The following PLXNB2 variants were observed in gnomAD, a reference collection of about 807,000 sequenced individuals.
The protein encoded by PLXNB2 is plexin-B2.
PLXNB2 carries 85 observed loss-of-function variants against 202.6 expected under a neutral mutation model. That is an observed-to-expected ratio of 0.42 (90% confidence interval 0.35 to 0.50). The LOEUF is 0.50. Among genes scored for constraint, PLXNB2 ranks in the 20% least tolerant of loss-of-function variants. The pLI, the probability that PLXNB2 is intolerant of heterozygous loss-of-function variation, is 0.02. For synonymous variants in PLXNB2, 1,239 were observed against 1,137.6 expected, an observed-to-expected ratio of 1.09 and a Z score of -1.79; for missense variants, 2,063 against 2,586.2, an observed-to-expected ratio of 0.80 and a Z score of 4.39.
intron 1 of PLXNB2, among the ~76,000 whole-genome samples, chr22:50,301,809 G>A (rs759388113): frequency 9.2e-5 from 14 of 152,220 alleles, no homozygotes; most frequent in African/African-American, 1.4e-4. Context: ...GCGCCTCAGC[G>A]GTCACCCCAG....
chr22:50,281,773 G>A, intron 20 of PLXNB2, 31 bp from the exon 21 acceptor site: 1 of 1,565,626 alleles, frequency 6.4e-7, no homozygotes, highest in South Asian at 1.2e-5. Context: ...GGGGTGAGGA[G>A]GAGGGAACCA....
At chr22:50,283,006 A>G (rs1292010426) in intron 17 of PLXNB2, 44 bp downstream of exon 17, 1 of 1,584,396 alleles carries the variant, frequency 6.3e-7, no homozygotes, top group South Asian at 1.2e-5. Flanking sequence ...CTCCATACCC[A>G]GGGCCAGGGC....
rs1450549755 is a variant in PLXNB2 at position 50,284,352 on chromosome 22, G to C, written c.2182-139C>G. ...CAGGGGAGGCCTTCAGGTGTCGGAA[G>C]TTCGGGAACCCCATGGACGCTGCTC... On this transcript the variant is annotated intron_variant, in intron 12 of 36. Transcript: ENST00000359337. The surrounding 1 kb of genome is among the most constrained non-coding windows in gnomAD (Gnocchi z 8.0). The C allele has an allele frequency of 4.2e-5, 36 of 852,088 alleles. No homozygotes were observed. The East Asian group carries it at 8.9e-4, about 21-fold the overall frequency. The allele number at this position is 852,088 out of a possible 1,614,324, so 52.8% of individuals were successfully genotyped here. A position where few individuals can be genotyped will look rare whatever the true frequency, so the allele number is the denominator to read the frequency against.
chr22:50,300,222 G>A lies in PLXNB2; in HGVS notation c.-73-5444C>T, dbSNP rs911449394. ...GGAGTCTGACCCGAGTAACAATGACGGCGGCGGCGACAGTCACACGAGCGC... is the reference window on the plus strand; with the variant it reads ...GGAGTCTGACCCGAGTAACAATGACAGCGGCGGCGACAGTCACACGAGCGC... On this transcript the variant is annotated intron_variant, in intron 1 of 36. Transcript: ENST00000359337. 4 of 960,358 alleles carry A rather than the reference G, an allele frequency of 4.2e-6. No homozygotes were observed. The South Asian group carries it at 1.9e-4, about 46-fold the overall frequency. The allele number at this position is 960,358 out of a possible 1,614,324, so 59.5% of individuals were successfully genotyped here.
In PLXNB2 at chr22:50,288,743, C is replaced by T. The variant is rs781147257; in HGVS notation, c.1380G>A (p.Lys460=). ...CTCTCCGGGGCTGCGTCTGGCTCAC[C>T]TTGTCCTGGGTCATGGCGTACAGGC... The part of the protein sequence containing the change: ...LGSLYAMTQD[K]VFRLPVQECL... Residue 460 remains lysine, a splice_region_variant and synonymous_variant, in exon 5 of 37, where the codon AAG becomes AAA. Transcript: ENST00000359337. The surrounding 1 kb of genome is among the most constrained non-coding windows in gnomAD (Gnocchi z 5.0). The T allele has an allele frequency of 6.8e-6, 11 of 1,612,762 alleles. No homozygotes were observed. In the African/African-American group the frequency reaches 1.2e-4, roughly 18 times the overall value.
intron 2 of PLXNB2, among the ~76,000 whole-genome samples, chr22:50,292,621 C>A (rs943804412): frequency 4.6e-5 from 7 of 152,164 alleles, no homozygotes; most frequent in Non-Finnish European, 1.0e-4. Flanking sequence ...TCTGTCCTCC[C>A]AGGAGGGCAG....
chr22:50,283,731 G>T lies in PLXNB2; in HGVS notation c.2441C>A (p.Pro814His). The T allele has an allele frequency of 6.2e-7, 1 of 1,613,122 alleles. No individual in the cohort carries two copies. The highest frequency in any genetic ancestry group is 8.5e-7 in the Non-Finnish European group (1 of 1,179,932). The stretch of plus-strand genomic sequence containing the variant: ...GGTGATGCGGATGCCCCCACCCAGG[G>T]GGCCCGTCTCAGGCTGGATCTGAAA... ...VITRIQPETG[P>H]LGGGIRITIL... Residue 814 changes from proline (P) to histidine (H), a missense_variant, in exon 15 of 37, where the codon CCC becomes CAC. This residue lies in a region of PLXNB2 where 1,303 missense variants were observed against 1,476.8 expected (regional missense o/e 0.88). Transcript: ENST00000359337.
Position 50,297,013 on chromosome 22 carries a change from C to T in PLXNB2, c.-73-2235G>A, listed in dbSNP as rs575115296. ...CGGGGGGCAGAGGGCATCCTTTCGA[C>T]CTGAGACTCAACAGCACCTTTGTGA... is the stretch of plus-strand genomic sequence containing the variant. On this transcript the variant is annotated intron_variant, in intron 1 of 36. Transcript: ENST00000359337. The surrounding 1 kb of genome is among the most constrained non-coding windows in gnomAD (Gnocchi z 5.3). Among the ~76,000 whole-genome samples the T allele has an allele frequency of 3.3e-5, 5 of 152,300 alleles. No homozygotes were observed. Among genetic ancestry groups the T allele is most frequent in the African/African-American group, 1.2e-4 (5 of 41,558 alleles).
intron 2 of PLXNB2, among the ~76,000 whole-genome samples, chr22:50,292,452 C>T (rs1027886750): frequency 2.6e-5 from 4 of 152,142 alleles, no homozygotes; most frequent in Non-Finnish European, 5.9e-5. Context: ...AGCCTGTGAC[C>T]CATTTCTCAG....
chr22:50,306,310 T>G (rs2147740325), intron 1 of PLXNB2, among the ~76,000 whole-genome samples: 1 of 152,296 alleles, frequency 6.6e-6, no homozygotes, highest in Admixed American at 6.5e-5. Context: ...TGCTTGCTTC[T>G]CAGTCGGCTC....
intron 1 of PLXNB2, among the ~76,000 whole-genome samples, chr22:50,302,951 A>G (rs1396188633): frequency 6.6e-6 from 1 of 152,082 alleles, no homozygotes; most frequent in Non-Finnish European, 1.5e-5. Context: ...GCTGGGATCC[A>G]CAGAGTCCTC....
chr22:50,287,430 C>G (rs2066538786), intron 7 of PLXNB2, among the ~76,000 whole-genome samples, 166 bp from the exon 8 acceptor site: 1 of 152,150 alleles, frequency 6.6e-6, no homozygotes, highest in Admixed American at 6.5e-5. Context: ...CCAGCAACTC[C>G]TGGGACAGGG....
Position 50,279,636 on chromosome 22 carries a change from T to C in PLXNB2, c.4383A>G (p.Ala1461=), listed in dbSNP as rs911079906. 6.2e-7 allele frequency: 1 copy of C among 1,613,298 alleles called. No individual in the cohort carries two copies. The highest frequency in any genetic ancestry group is 8.5e-7 in the Non-Finnish European group (1 of 1,179,812). Residue 1461 remains alanine (A), a synonymous_variant, in exon 27 of 37, where the codon GCA becomes GCG. Coordinates refer to ENST00000359337, the MANE Select transcript of PLXNB2 (RefSeq NM_012401.4). ...CCCCACCCCAGAAGCTCACCAGGGG[T>C]GCGTACTCCACATCATCCCCCAGCA... ...TGLLGDDVEY[A]PLTVSVIVQD...
In PLXNB2 at chr22:50,290,224, C is replaced by A. The variant is rs755165035; in HGVS notation, c.361G>T (p.Ala121Ser). Residue 121 changes from alanine (A) to serine (S), a missense_variant, in exon 3 of 37, where the codon GCT (alanine) becomes TCT (serine). This residue lies in a region of PLXNB2 where 1,303 missense variants were observed against 1,476.8 expected (regional missense o/e 0.88). Transcript: ENST00000359337. ...ECGSLFKGIC[A>S]LRALSNISLR... Reference sequence around the variant, plus strand: ...GAGATGTTGCTCAGGGCGCGCAGAGCGCAGATGCCCTTGAAGAGGCTGCCG... The same window carrying A: ...GAGATGTTGCTCAGGGCGCGCAGAGAGCAGATGCCCTTGAAGAGGCTGCCG... The A allele has an allele frequency of 1.2e-6, 2 of 1,612,162 alleles. No homozygotes were observed. The highest frequency in any genetic ancestry group is 1.7e-5 in the Admixed American group (1 of 60,028).
rs1394934444 is a variant in PLXNB2 at position 50,275,359 on chromosome 22, G to C, written c.*345C>G. The C allele has an allele frequency of 2.1e-6, 1 of 468,806 alleles. No homozygotes were observed. Among genetic ancestry groups the C allele is most frequent in the Admixed American group, 2.3e-5 (1 of 42,830 alleles). 29.0% of individuals were successfully genotyped at this position (468,806 alleles called of 1,614,324 possible). ...CCAGGGGCCCAACCTAGGGCATGGA[G>C]GCGGCTGCTGGTGCGTGGGCGGAGG... On this transcript the variant is annotated 3_prime_UTR_variant, in exon 37 of 37. Coordinates refer to ENST00000359337, the MANE Select transcript of PLXNB2 (RefSeq NM_012401.4).
In PLXNB2 at chr22:50,288,375, T is replaced by C. The variant is rs1317380732; in HGVS notation, c.1381-338A>G. On this transcript the variant is annotated intron_variant, in intron 5 of 36. Coordinates refer to ENST00000359337, the MANE Select transcript of PLXNB2 (RefSeq NM_012401.4). This position sits in a 1 kb window ranked among gnomAD's most constrained non-coding sequence, Gnocchi z 5.0. The stretch of plus-strand genomic sequence containing the variant: ...AAGCTTGGGGCCCAGGCCCATGTTC[T>C]CCACTGACTGAGCTCACATGGGCTG... Among the ~76,000 whole-genome samples the C allele has an allele frequency of 6.6e-6, 1 of 152,052 alleles. No individual in the cohort carries two copies. Among genetic ancestry groups the C allele is most frequent in the Non-Finnish European group, 1.5e-5 (1 of 68,002 alleles).
chr22:50,281,118 A>C lies in PLXNB2; in HGVS notation c.3734T>G (p.Val1245Gly). 1 of 1,613,190 alleles carries C rather than the reference A, an allele frequency of 6.2e-7. No individual in the cohort carries two copies. Among genetic ancestry groups the C allele is most frequent in the Non-Finnish European group, 8.5e-7 (1 of 1,179,850 alleles). ...GAATTCCTTCTTGCAGCGGTCCCGC[A>C]CGCTCTCCTCCAGGCCCTCCAGCTG... ...KSQLEGLEESVRDRCKKEFTD... is the reference protein window; with the variant it reads ...KSQLEGLEESGRDRCKKEFTD... The change falls in exon 23 of 37, where the codon GTG becomes GGG. Residue 1245 changes from valine to glycine, a missense_variant. Physicochemically the swap from Val to Gly is moderately radical, Grantham distance 109. This residue lies in a region of PLXNB2 where 760 missense variants were observed against 1,109.4 expected (regional missense o/e 0.69). Coordinates refer to ENST00000359337, the MANE Select transcript of PLXNB2 (RefSeq NM_012401.4).
In PLXNB2 at chr22:50,288,288, C is replaced by A. The variant is rs2066616923; in HGVS notation, c.1381-251G>T. The stretch of plus-strand genomic sequence containing the variant: ...CCCGGGGCAGCTCCTGTCCTCTACA[C>A]TGGCTCCCTCCGAGGGGTGCTCCTA... On this transcript the variant is annotated intron_variant, in intron 5 of 36. Transcript: ENST00000359337. The surrounding 1 kb of genome is among the most constrained non-coding windows in gnomAD (Gnocchi z 5.0). Among the ~76,000 whole-genome samples the A allele has an allele frequency of 6.6e-6, 1 of 152,130 alleles. No homozygotes were observed. The highest frequency in any genetic ancestry group is 1.5e-5 in the Non-Finnish European group (1 of 68,008).
chr22:50,289,919 G>A lies in PLXNB2; in HGVS notation c.666C>T (p.Phe222=), dbSNP rs774293656. The A allele has an allele frequency of 2.7e-5, 44 of 1,613,086 alleles. No individual in the cohort carries two copies. Among genetic ancestry groups the A allele is most frequent in the Non-Finnish European group, 3.5e-5 (41 of 1,180,048 alleles). The change falls in exon 3 of 37, where the codon TTC becomes TTT. Residue 222 remains phenylalanine, a synonymous_variant. Coordinates refer to ENST00000359337, the MANE Select transcript of PLXNB2 (RefSeq NM_012401.4). This position sits in a 1 kb window ranked among gnomAD's most constrained non-coding sequence, Gnocchi z 8.0. The part of the protein sequence containing the change: ...STNTQQFVAA[F]EDGPYVFFVF... ...CAAAGAAGACGTAGGGGCCGTCCTCGAAGGCCGCCACGAACTGCTGTGTGT... is the reference window on the plus strand; with the variant it reads ...CAAAGAAGACGTAGGGGCCGTCCTCAAAGGCCGCCACGAACTGCTGTGTGT...
Sources: gnomAD v4.1 joint callset for allele counts (sites outside exome capture counted in the v4.1 genomes callset) on GRCh38, gnomAD v4.1.1 for gene constraint, gnomAD v4.1.1 regional missense constraint, Gnocchi (gnomAD v3.1) non-coding constraint, MANE v1.5 for transcripts, NCBI Gene and HGNC (gene_info 2026-07-23, HGNC 2026-07-21) for gene names.